BBS12: variants seen among roughly 807,000 people sequenced by gnomAD.
BBS12 encodes chaperonin-containing T-complex member BBS12.
A neutral mutation model predicts 5.6 loss-of-function variants in BBS12; 5 were observed. That is an observed-to-expected ratio of 0.89 (90% CI 0.46 to 1.86). The LOEUF (loss-of-function observed/expected upper bound fraction) is 1.86, where lower values mean the gene tolerates loss of function less well. Among genes scored for constraint, BBS12 ranks in the 40% most tolerant of loss-of-function variants. The probability of loss-of-function intolerance (pLI) is 0.01; values close to 1 mark genes in which losing one functional copy is unlikely to be tolerated. For missense variants in BBS12, 748 were observed against 830.4 expected, an observed-to-expected ratio of 0.90 and a Z score of 1.22; for synonymous variants, 308 against 306.8, an observed-to-expected ratio of 1.00 and a Z score of -0.04.
the BBS12 span, among the ~76,000 whole-genome samples, chr4:122,706,113 C>CTTTCA: frequency 2.0e-5 from 3 of 152,274 alleles, no homozygotes; most frequent in South Asian, 4.1e-4. Context: ...CTGCCACTAT[C>CTTTCA]TTTCAGGTCT....
the BBS12 span, among the ~76,000 whole-genome samples, chr4:122,712,853 G>A: frequency 6.6e-6 from 1 of 152,148 alleles, no homozygotes; most frequent in Non-Finnish European, 1.5e-5. Flanking sequence ...TGTAAGCACT[G>A]TGTGTGTGTA....
intron 1 of BBS12, among the ~76,000 whole-genome samples, chr4:122,736,604 G>A (rs1321651100): frequency 6.6e-6 from 1 of 152,092 alleles, no homozygotes; most frequent in African/African-American, 2.4e-5. Context: ...CATTAAGCTG[G>A]CAAGTACTGA....
At chr4:122,723,000 CTT>C in the BBS12 span, among the ~76,000 whole-genome samples, 41 of 152,250 alleles carry the variant, frequency 2.7e-4, no homozygotes, top group Middle Eastern at 3.4e-3. Flanking sequence ...GAAATTCTCT[CTT>C]GTTTTTTGTT....
the BBS12 span, among the ~76,000 whole-genome samples, chr4:122,721,980 C>A: frequency 2.6e-5 from 4 of 152,080 alleles, no homozygotes; most frequent in Non-Finnish European, 4.4e-5. Flanking sequence ...AGATCAAATT[C>A]TCTGACAACA....
chr4:122,719,571 C>T, the BBS12 span, among the ~76,000 whole-genome samples: 3 of 152,072 alleles, frequency 2.0e-5, no homozygotes, highest in Non-Finnish European at 2.9e-5. Context: ...CAACTCCGGA[C>T]GCACCACCTT....
upstream of BBS12, chr4:122,731,361 G>A (rs1800693788): frequency 6.6e-6 from 1 of 152,010 alleles, no homozygotes; most frequent in Non-Finnish European, 1.5e-5. Context: ...ATTATTTCCT[G>A]ACAAAAACCT....
chr4:122,714,037 C>G, the BBS12 span, among the ~76,000 whole-genome samples: 10 of 152,178 alleles, frequency 6.6e-5, no homozygotes, highest in Admixed American at 4.6e-4. Flanking sequence ...TGTGTCCTCT[C>G]AAATTCACAT....
At chr4:122,731,116 G>A (rs1800690849), upstream of BBS12, 1 of 152,140 alleles carries the variant, frequency 6.6e-6, no homozygotes, top group Admixed American at 6.5e-5. Flanking sequence ...TGCCCTCAAG[G>A]TGCTTAAAGG....
At chr4:122,734,518 G>A (rs1800757619) in intron 1 of BBS12, among the ~76,000 whole-genome samples, 1 of 151,950 alleles carries the variant, frequency 6.6e-6, no homozygotes, top group Admixed American at 6.6e-5. Flanking sequence ...CGCTCGCCTC[G>A]GCCTCTCAAA....
At chr4:122,705,328 C>T in the BBS12 span, among the ~76,000 whole-genome samples, 1 of 152,206 alleles carries the variant, frequency 6.6e-6, no homozygotes, top group Non-Finnish European at 1.5e-5. Flanking sequence ...TAATTGAGGC[C>T]AGGTGCGGTG....
chr4:122,715,481 T>A, the BBS12 span, among the ~76,000 whole-genome samples: 2 of 152,112 alleles, frequency 1.3e-5, no homozygotes, highest in African/African-American at 4.8e-5. Context: ...ACCTGGTAGG[T>A]TGAAGGGGTG....
chr4:122,721,064 C>G, the BBS12 span, among the ~76,000 whole-genome samples: 1 of 152,034 alleles, frequency 6.6e-6, no homozygotes, highest in Non-Finnish European at 1.5e-5. Flanking sequence ...GAAAAAAGAA[C>G]TTCTTACCTT....
At chr4:122,706,319 G>C in the BBS12 span, among the ~76,000 whole-genome samples, 1 of 152,056 alleles carries the variant, frequency 6.6e-6, no homozygotes, top group African/African-American at 2.4e-5. Context: ...GGCCTAAGAC[G>C]AATTCTCCAT....
the BBS12 span, among the ~76,000 whole-genome samples, chr4:122,710,267 C>A: frequency 3.3e-5 from 5 of 152,170 alleles, no homozygotes; most frequent in African/African-American, 1.2e-4. Context: ...CCTTCCAATG[C>A]ATATTACAAT....
chr4:122,716,665 A>G, the BBS12 span, among the ~76,000 whole-genome samples: 24,448 of 121,586 alleles, frequency 0.2, 3,887 homozygotes, highest in East Asian at 0.51. Context: ...ATGCACATAC[A>G]CATATGTGTA....
At chr4:122,729,455 C>T (rs1190636659), upstream of BBS12, 1 of 152,212 alleles carries the variant, frequency 6.6e-6, no homozygotes, top group East Asian at 1.9e-4. Flanking sequence ...TTAGAAAATA[C>T]ACAGTTATCT....
At chr4:122,732,945 C>G (rs1800722301) in intron 1 of BBS12, 61 bp downstream of exon 1, 1 of 152,362 alleles carries the variant, frequency 6.6e-6, no homozygotes, top group South Asian at 2.1e-4. Context: ...ACGTGGGAGC[C>G]CGTGTGTTTG....
the BBS12 span, among the ~76,000 whole-genome samples, chr4:122,726,333 G>A: frequency 9.8e-4 from 149 of 152,150 alleles, 3 homozygotes; most frequent in East Asian, 0.02. Flanking sequence ...GCTCAACATC[G>A]CTAATGATCA....
chr4:122,707,423 T>C, the BBS12 span, among the ~76,000 whole-genome samples: 1 of 152,146 alleles, frequency 6.6e-6, no homozygotes, highest in Non-Finnish European at 1.5e-5. Flanking sequence ...ATATAACTGG[T>C]ACTTAAAAAT....
Sources: allele counts gnomAD v4.1 joint callset (sites outside exome capture counted in the v4.1 genomes callset), GRCh38; gene constraint gnomAD v4.1.1; transcripts MANE v1.5; gene names NCBI Gene and HGNC (gene_info 2026-07-23, HGNC 2026-07-21).